BTNL8: variants seen among roughly 807,000 people sequenced by gnomAD.
The protein encoded by BTNL8 is butyrophilin like 8, also known as butyrophilin-like protein 8.
BTNL8 carries 22 observed loss-of-function variants against 36.1 expected under a neutral mutation model. That is an observed-to-expected ratio of 0.61 (90% CI 0.44 to 0.87). The LOEUF is 0.87. Among genes scored for constraint, BTNL8 ranks in the 40% least tolerant of loss-of-function variants. The pLI is 0.00. For missense variants in BTNL8, 526 were observed against 616.9 expected, an observed-to-expected ratio of 0.85 and a Z score of 1.56; for synonymous variants, 203 against 235.6, an observed-to-expected ratio of 0.86 and a Z score of 1.27.
At position 180,928,711 on chromosome 5, in the gene BTNL8, CAAAG is replaced by C. The variant is rs1275342954; in HGVS notation, c.673+17100_673+17103del. On this transcript the variant is annotated intron_variant, in intron 3 of 7. Transcript: ENST00000340184. ...TTAAACAAACAAAGATCAAAAGAGA[CAAAG>C]AAGGGCATTACATAATGATAAAGTG... 2.6e-5 allele frequency among the ~76,000 whole-genome samples: 4 copies of C among 152,080 alleles called. No individual in the cohort carries two copies. The East Asian group carries it at 5.8e-4, about 22-fold the overall frequency.
intron 3 of BTNL8, among the ~76,000 whole-genome samples, chr5:180,942,118 T>C (rs1759006620): frequency 6.6e-6 from 1 of 152,088 alleles, no homozygotes; most frequent in Non-Finnish European, 1.5e-5. Context: ...AAAATCAACA[T>C]ATAAATTCAG....
intron 1 of BTNL8, among the ~76,000 whole-genome samples, chr5:180,902,658 G>A (rs1011821499): frequency 5.4e-5 from 8 of 148,470 alleles, no homozygotes; most frequent in Admixed American, 4.0e-4. Context: ...TATATCTCCC[G>A]ATGCTATCCC....
At chr5:180,933,441 A>AT (rs1328304485) in intron 3 of BTNL8, among the ~76,000 whole-genome samples, 2 of 152,248 alleles carry the variant, frequency 1.3e-5, no homozygotes, top group African/African-American at 4.8e-5. Flanking sequence ...TAAACTCATA[A>AT]TAAGTATATT....
At chr5:180,948,208 A>G (rs111403382) in intron 4 of BTNL8, 147 bp from the exon 5 acceptor site, 229,279 of 1,002,664 alleles carry the variant, frequency 0.23, 42,961 homozygotes, top group African/African-American at 0.54. Context: ...TCCGTGCAGG[A>G]GCTGGGGAGA....
intron 4 of BTNL8, 179 bp downstream of exon 4, chr5:180,947,804 T>A (rs748413340): frequency 6.3e-7 from 1 of 1,591,910 alleles, no homozygotes; most frequent in Non-Finnish European, 8.6e-7. Context: ...TCTGGAAATA[T>A]CAACTACGAC....
At chr5:180,906,685 G>A (rs1181412157) in intron 1 of BTNL8, among the ~76,000 whole-genome samples, 1 of 115,402 alleles carries the variant, frequency 8.7e-6, no homozygotes, top group African/African-American at 4.6e-5. Flanking sequence ...CATGTTTAGT[G>A]CTTCCTTCAG....
intron 3 of BTNL8, among the ~76,000 whole-genome samples, chr5:180,913,855 G>T (rs776456352): frequency 1.6e-4 from 25 of 152,190 alleles, no homozygotes; most frequent in Non-Finnish European, 2.6e-4. Flanking sequence ...CCTTAGGAAA[G>T]ACTGAACACT....
intron 3 of BTNL8, among the ~76,000 whole-genome samples, chr5:180,944,951 C>T (rs1342744016): frequency 3.3e-5 from 5 of 152,116 alleles, no homozygotes; most frequent in Non-Finnish European, 7.4e-5. Context: ...CGTCACTTTT[C>T]ACAGATAAAG....
intron 3 of BTNL8, among the ~76,000 whole-genome samples, chr5:180,912,453 G>A (rs1284526499): frequency 6.6e-6 from 1 of 151,890 alleles, no homozygotes; most frequent in Non-Finnish European, 1.5e-5. Context: ...ATGTATGTGT[G>A]TATACATCCT....
intron 2 of BTNL8, among the ~76,000 whole-genome samples, chr5:180,909,290 T>C (rs1299396489): frequency 6.6e-6 from 1 of 152,248 alleles, no homozygotes. Flanking sequence ...GGTGACCTTT[T>C]GAGATTGACT....
chr5:180,938,159 T>C (rs4566751), intron 3 of BTNL8, among the ~76,000 whole-genome samples: 76,319 of 151,744 alleles, frequency 0.5, 20,826 homozygotes, highest in African/African-American at 0.73. Context: ...TAACCCAGTC[T>C]GATGAAAAAA....
intron 3 of BTNL8, among the ~76,000 whole-genome samples, chr5:180,932,301 C>A (rs1444893297): frequency 6.6e-6 from 1 of 152,174 alleles, no homozygotes; most frequent in East Asian, 1.9e-4. Flanking sequence ...CACATGTATA[C>A]CTATGTAACA....
chr5:180,934,427 CA>C (rs1379621277), intron 3 of BTNL8, among the ~76,000 whole-genome samples: 3 of 152,248 alleles, frequency 2.0e-5, no homozygotes, highest in Admixed American at 2.0e-4. Flanking sequence ...CTTGGCCTTG[CA>C]GGCTGTGCTT....
intron 3 of BTNL8, among the ~76,000 whole-genome samples, chr5:180,912,523 T>C (rs987786637): frequency 2.0e-5 from 3 of 152,126 alleles, no homozygotes; most frequent in African/African-American, 7.2e-5. Flanking sequence ...AGAGTATTTC[T>C]AGAGAAAAAG....
chr5:180,934,492 A>G (rs1375808343), intron 3 of BTNL8, among the ~76,000 whole-genome samples: 2 of 152,218 alleles, frequency 1.3e-5, no homozygotes, highest in African/African-American at 4.8e-5. Context: ...CCAGGCACAG[A>G]GCAGTGAGGA....
Position 180,922,554 on chromosome 5 carries a change from A to G in BTNL8, c.673+10940A>G, listed in dbSNP as rs145870386. 6.8e-5 allele frequency among the ~76,000 whole-genome samples: 9 copies of G among 133,044 alleles called. No individual in the cohort carries two copies. In the East Asian group the frequency reaches 1.7e-3, roughly 25 times the overall value. The allele number at this position is 133,044 out of a possible 152,430, so 87.3% of individuals were successfully genotyped here. ...TAATCGTATTGAGCTGTGGTCTGAG[A>G]GAGCGGTTGTTATGATTTCAGTTCT... is the stretch of plus-strand genomic sequence containing the variant. On this transcript the variant is annotated intron_variant, in intron 3 of 7. Transcript: ENST00000340184.
At chr5:180,908,478 G>C in intron 1 of BTNL8, 108 bp from the exon 2 acceptor site, 1 of 1,050,466 alleles carries the variant, frequency 9.5e-7, no homozygotes, top group Non-Finnish European at 1.4e-6. Flanking sequence ...GTTCTGCGTC[G>C]CTCACTCTGG....
chr5:180,907,808 G>T (rs1039950551), intron 1 of BTNL8, among the ~76,000 whole-genome samples: 7 of 151,698 alleles, frequency 4.6e-5, no homozygotes, highest in Admixed American at 2.6e-4. Flanking sequence ...CCTGCTGGGG[G>T]GTGCCTCCCA....
At chr5:180,917,838 C>G (rs990358665) in intron 3 of BTNL8, among the ~76,000 whole-genome samples, 4 of 151,660 alleles carry the variant, frequency 2.6e-5, no homozygotes, top group Non-Finnish European at 5.9e-5. Context: ...ACCATCCTGG[C>G]TAACACGGTG....
Sources: gnomAD v4.1 joint callset for allele counts (sites outside exome capture counted in the v4.1 genomes callset) on GRCh38, gnomAD v4.1.1 for gene constraint, MANE v1.5 for transcripts, NCBI Gene and HGNC (gene_info 2026-07-23, HGNC 2026-07-21) for gene names.